Variants in MTUS2 observed in about 807,000 individuals in gnomAD.
MTUS2 encodes the protein microtubule associated scaffold protein 2, also known as microtubule-associated tumor suppressor candidate 2.
A neutral mutation model predicts 114.1 loss-of-function variants in MTUS2; 40 were observed. That is an observed-to-expected ratio of 0.35 (90% confidence interval 0.27 to 0.46). The LOEUF is 0.46. MTUS2 is among the 20% of genes least tolerant of loss of function. MTUS2 has a pLI of 1.00. For synonymous variants in MTUS2, 688 were observed against 672.0 expected, an observed-to-expected ratio of 1.02 and a Z score of -0.37; for missense variants, 1,679 against 1,705.4, an observed-to-expected ratio of 0.98 and a Z score of 0.27.
At chr13:29,290,544 A>G (rs1249528014) in intron 6 of MTUS2, among the ~76,000 whole-genome samples, 1 of 151,894 alleles carries the variant, frequency 6.6e-6, no homozygotes, top group African/African-American at 2.4e-5. Flanking sequence ...ATTAGCCAGG[A>G]TGGTCTCGAT....
chr13:29,042,026 G>A lies in MTUS2; in HGVS notation c.2446+7901G>A, dbSNP rs145666722. Among the ~76,000 whole-genome samples, 173 of 152,214 alleles carry A rather than the reference G, an allele frequency of 1.1e-3. 1 individual carries two copies. The highest frequency in any genetic ancestry group is 3.8e-3 in the African/African-American group (156 of 41,538). ...TGTTGAAGAGAAGTGGTGAAAGTGG[G>A]CATCCTTGACTTGTTCCAGTTCTCA... is the stretch of plus-strand genomic sequence containing the variant. On this transcript the variant is annotated intron_variant, in intron 4 of 15. Coordinates refer to ENST00000612955, the MANE Select transcript of MTUS2 (RefSeq NM_001033602.4).
chr13:29,055,876 T>A (rs1248230867), intron 4 of MTUS2, among the ~76,000 whole-genome samples: 1 of 152,136 alleles, frequency 6.6e-6, no homozygotes, highest in Non-Finnish European at 1.5e-5. Context: ...TATCTGTTAA[T>A]GTCTTTTGCC....
chr13:29,189,057 C>G, intron 5 of MTUS2, among the ~76,000 whole-genome samples: 1 of 152,156 alleles, frequency 6.6e-6, no homozygotes, highest in Non-Finnish European at 1.5e-5. Context: ...AGCGGTGACC[C>G]TGGGGAAGCT....
chr13:29,173,609 A>G (rs2139128226), intron 5 of MTUS2, among the ~76,000 whole-genome samples: 1 of 152,246 alleles, frequency 6.6e-6, no homozygotes, highest in East Asian at 1.9e-4. Flanking sequence ...TCTTTAGGAA[A>G]GAATTATAGT....
chr13:29,064,891 T>TG (rs1888594281), intron 4 of MTUS2, among the ~76,000 whole-genome samples: 1 of 152,214 alleles, frequency 6.6e-6, no homozygotes, highest in Non-Finnish European at 1.5e-5. Context: ...TGGTTTCTGT[T>TG]GCTGTGTTAG....
intron 5 of MTUS2, among the ~76,000 whole-genome samples, chr13:29,157,417 G>A (rs2139062586): frequency 6.6e-6 from 1 of 152,288 alleles, no homozygotes; most frequent in Non-Finnish European, 1.5e-5. Flanking sequence ...ATGAACATGA[G>A]TAAATATTCA....
At chr13:29,428,303 T>C (rs962708447) in intron 8 of MTUS2, among the ~76,000 whole-genome samples, 1 of 152,262 alleles carries the variant, frequency 6.6e-6, no homozygotes, top group African/African-American at 2.4e-5. Flanking sequence ...GGAGCTAGGA[T>C]TGCAGCAGAG....
At chr13:29,004,844 A>G (rs1440309417) in intron 2 of MTUS2, among the ~76,000 whole-genome samples, 1 of 152,216 alleles carries the variant, frequency 6.6e-6, no homozygotes, top group Admixed American at 6.5e-5. Flanking sequence ...AGTACAGAAG[A>G]AGAGACAAGC....
chr13:29,420,771 A>T (rs141557298), intron 8 of MTUS2, among the ~76,000 whole-genome samples: 1 of 152,314 alleles, frequency 6.6e-6, no homozygotes, highest in Non-Finnish European at 1.5e-5. Context: ...TCATCTAGCT[A>T]GTAAAGATAA....
chr13:29,079,004 C>G (rs1889320852), intron 4 of MTUS2, among the ~76,000 whole-genome samples: 1 of 152,208 alleles, frequency 6.6e-6, no homozygotes, highest in South Asian at 2.1e-4. Flanking sequence ...AGGCTGTTTT[C>G]CAAAGTGGCT....
At chr13:28,848,039 A>G (rs539860932) in intron 2 of MTUS2, among the ~76,000 whole-genome samples, 1 of 152,318 alleles carries the variant, frequency 6.6e-6, no homozygotes, top group African/African-American at 2.4e-5. Context: ...CAGGAATATA[A>G]GACCTGTCCC....
At chr13:29,442,860 G>C (rs1877992137) in intron 9 of MTUS2, among the ~76,000 whole-genome samples, 1 of 152,222 alleles carries the variant, frequency 6.6e-6, no homozygotes. Context: ...AGTTCAGCTA[G>C]AACAATGTGC....
intron 5 of MTUS2, among the ~76,000 whole-genome samples, chr13:29,258,771 G>T (rs1009033451): frequency 6.6e-6 from 1 of 151,996 alleles, no homozygotes; most frequent in African/African-American, 2.4e-5. Flanking sequence ...AAGCCTGAGG[G>T]CTGCAGACTG....
intron 4 of MTUS2, among the ~76,000 whole-genome samples, chr13:29,054,481 A>G (rs141401119): frequency 8.9e-4 from 136 of 152,252 alleles, no homozygotes; most frequent in African/African-American, 3.1e-3. Flanking sequence ...ATTCAAATTT[A>G]GAGATAGAAA....
chr13:29,097,543 T>C (rs2138805930), intron 4 of MTUS2, among the ~76,000 whole-genome samples: 1 of 152,348 alleles, frequency 6.6e-6, no homozygotes, highest in East Asian at 1.9e-4. Context: ...CTTGGAAACA[T>C]ATATTCCTCT....
chr13:29,297,735 C>T (rs139240284), intron 6 of MTUS2, among the ~76,000 whole-genome samples: 2 of 152,304 alleles, frequency 1.3e-5, no homozygotes, highest in East Asian at 3.9e-4. Context: ...AGAGCTAATG[C>T]CCTGTCCTAA....
intron 8 of MTUS2, chr13:29,428,994 C>T (rs1593434289): frequency 8.3e-7 from 1 of 1,210,862 alleles, no homozygotes; most frequent in Non-Finnish European, 1.2e-6. Context: ...CCCTAGCATG[C>T]GTGTGCGCTT....
chr13:28,873,279 A>T (rs1365806038), intron 2 of MTUS2, among the ~76,000 whole-genome samples: 1 of 152,210 alleles, frequency 6.6e-6, no homozygotes, highest in Non-Finnish European at 1.5e-5. Context: ...TTTGAGGCAC[A>T]TTCTGTTTAC....
chr13:29,113,213 T>A (rs972283111), intron 5 of MTUS2, among the ~76,000 whole-genome samples: 1 of 152,050 alleles, frequency 6.6e-6, no homozygotes, highest in Non-Finnish European at 1.5e-5. Flanking sequence ...GAAGCAGAGG[T>A]GCTGGTTGAA....
Sources: gnomAD v4.1 joint callset for allele counts (sites outside exome capture counted in the v4.1 genomes callset) on GRCh38, gnomAD v4.1.1 for gene constraint, MANE v1.5 for transcripts, NCBI Gene and HGNC (gene_info 2026-07-23, HGNC 2026-07-21) for gene names.